The following FOLH1 variants were observed in gnomAD, a reference collection of about 807,000 sequenced individuals.
FOLH1 encodes glutamate carboxypeptidase 2.
In FOLH1, 54 loss-of-function variants were observed where a neutral mutation model predicts 93.9. The observed-to-expected ratio is 0.57, with a 90% confidence interval of 0.46 to 0.72. The LOEUF (loss-of-function observed/expected upper bound fraction) is 0.72. Ranked by LOEUF, FOLH1 falls within the 30% of genes least tolerant of loss-of-function variation. The pLI is 0.00. For missense variants in FOLH1, 571 were observed against 892.5 expected, an observed-to-expected ratio of 0.64 and a Z score of 4.59; for synonymous variants, 249 against 303.6, an observed-to-expected ratio of 0.82 and a Z score of 1.87.
chr11:49,198,232 A>T (rs1284146863), intron 3 of FOLH1, among the ~76,000 whole-genome samples: 1 of 152,176 alleles, frequency 6.6e-6, no homozygotes, highest in South Asian at 2.1e-4. Context: ...AAAACTAACC[A>T]GCACTTTGGG....
At chr11:49,170,019 T>A (rs915985529) in intron 11 of FOLH1, among the ~76,000 whole-genome samples, 5 of 152,006 alleles carry the variant, frequency 3.3e-5, no homozygotes, top group South Asian at 2.1e-4. Flanking sequence ...TTTGACTAAG[T>A]CTACAGGAGC....
At chr11:49,189,652 AGT>A (rs1401069446) in intron 4 of FOLH1, among the ~76,000 whole-genome samples, 1 of 152,202 alleles carries the variant, frequency 6.6e-6, no homozygotes, top group African/African-American at 2.4e-5. Flanking sequence ...TAAGTTGAGA[AGT>A]GTATTGAATG....
intron 6 of FOLH1, among the ~76,000 whole-genome samples, chr11:49,183,560 T>A (rs1240629212): frequency 6.6e-6 from 1 of 152,096 alleles, no homozygotes; most frequent in Non-Finnish European, 1.5e-5. Context: ...AGAAGACGTG[T>A]ACAAAATTGT....
intron 4 of FOLH1, among the ~76,000 whole-genome samples, chr11:49,191,858 T>A (rs1565200046): frequency 6.6e-6 from 1 of 152,154 alleles, no homozygotes. Flanking sequence ...TCACCGCATC[T>A]GGCTAATTAT....
In FOLH1 at chr11:49,154,511, A is replaced by C. The variant is rs1565132771; in HGVS notation, c.1624-19T>G. On this transcript the variant is annotated intron_variant, in intron 15 of 18. Transcript: ENST00000256999. ...TTGTTTCCTACAGAAAAAACAACAA[A>C]ACATATCTCTTATAGGATAGCTTAC... The C allele has an allele frequency of 1.3e-6, 2 of 1,554,822 alleles. No individual in the cohort carries two copies. The highest frequency in any genetic ancestry group is 8.7e-7 in the Non-Finnish European group (1 of 1,148,560).
intron 7 of FOLH1, among the ~76,000 whole-genome samples, chr11:49,176,301 T>C (rs1860034410): frequency 6.6e-6 from 1 of 152,228 alleles, no homozygotes; most frequent in African/African-American, 2.4e-5. Context: ...AAGAGCTTGA[T>C]GTCTAACTCT....
At chr11:49,157,126 T>C (rs1162287036) in intron 14 of FOLH1, among the ~76,000 whole-genome samples, 1 of 152,010 alleles carries the variant, frequency 6.6e-6, no homozygotes, top group African/African-American at 2.4e-5. Context: ...GAAAAGCAAA[T>C]ATTTTTCAGA....
Position 49,183,209 on chromosome 11 carries a change from A to G in FOLH1, c.860T>C (p.Val287Ala). Residue 287 changes from valine (V) to alanine (A), a missense_variant, in exon 7 of 19, where the codon GTT becomes GCT. Around this residue, in one of 2 missense-constraint regions of FOLH1, gnomAD observed 500 missense variants for 822.9 expected, o/e 0.61. Transcript: ENST00000256999. ...ATGAACAGGAATACTTGGAAGACCA[A>G]CAGCCTCTGCAATTCCACGCCTATA... ...YAYRRGIAEA[V>A]GLPSIPVHPI... is the part of the protein sequence containing the mutation. 6.2e-7 allele frequency: 1 copy of G among 1,613,206 alleles called. No homozygotes were observed. Among genetic ancestry groups the G allele is most frequent in the East Asian group, 2.2e-5 (1 of 44,856 alleles).
intron 17 of FOLH1, among the ~76,000 whole-genome samples, chr11:49,151,484 T>C (rs948132189): frequency 1.3e-5 from 2 of 152,204 alleles, no homozygotes; most frequent in African/African-American, 4.8e-5. Context: ...TCTTATATTC[T>C]TTGATGGGGC....
Position 49,164,491 on chromosome 11 carries a change from C to T in FOLH1, c.1440+214G>A, listed in dbSNP as rs184635891. Among the ~76,000 whole-genome samples, 200 of 152,268 alleles carry T rather than the reference C, an allele frequency of 1.3e-3. 1 individual carries two copies. The highest frequency in any genetic ancestry group is 4.5e-3 in the African/African-American group (187 of 41,562). On this transcript the variant is annotated intron_variant, in intron 13 of 18. Transcript: ENST00000256999. Reference sequence around the variant, plus strand: ...AAGAATGGAGATGGTAGACATGATGCTACTAATGGGCTACCTCACACTGGT... The same window carrying T: ...AAGAATGGAGATGGTAGACATGATGTTACTAATGGGCTACCTCACACTGGT...
chr11:49,187,877 G>A (rs759545906), intron 4 of FOLH1, among the ~76,000 whole-genome samples: 3 of 152,190 alleles, frequency 2.0e-5, no homozygotes, highest in Non-Finnish European at 1.5e-5. Context: ...AGGGTACAGA[G>A]ACCTGGACAT....
At chr11:49,183,389 C>A (rs1384710172) in intron 6 of FOLH1, 147 bp from the exon 7 acceptor site, 2 of 625,492 alleles carry the variant, frequency 3.2e-6, no homozygotes, top group East Asian at 2.9e-5. Context: ...AGCGAGAATG[C>A]AGAGCAACTG....
chr11:49,154,067 C>T (rs557675288), intron 16 of FOLH1, 140 bp from the exon 17 acceptor site: 65 of 1,331,552 alleles, frequency 4.9e-5, no homozygotes, highest in South Asian at 3.8e-4. Flanking sequence ...TATTATAAGA[C>T]GTGAGCATCC....
chr11:49,208,515 A>C lies in FOLH1; in HGVS notation c.-106T>G. 1 of 717,226 alleles carries C rather than the reference A, an allele frequency of 1.4e-6. No individual in the cohort carries two copies. Among genetic ancestry groups the C allele is most frequent in the Non-Finnish European group, 2.3e-6 (1 of 436,412 alleles). The allele number at this position is 717,226 out of a possible 1,614,324, so 44.4% of individuals were successfully genotyped here. A position where few individuals can be genotyped will look rare whatever the true frequency, so the allele number is the denominator to read the frequency against. On this transcript the variant is annotated 5_prime_UTR_variant, in exon 1 of 19. Coordinates refer to ENST00000256999, the MANE Select transcript of FOLH1 (RefSeq NM_004476.3). ...GGTAAAGTCTCTCTCAATCTCACTA[A>C]TGCCTCGCTTATCAGCCCTGCAGGC...
intron 11 of FOLH1, among the ~76,000 whole-genome samples, chr11:49,169,530 T>G (rs1036381425): frequency 2.0e-5 from 3 of 152,212 alleles, no homozygotes; most frequent in African/African-American, 7.2e-5. Context: ...AGTTAATTTC[T>G]TAACCATACT....
At chr11:49,184,397 C>T (rs1420552833) in intron 6 of FOLH1, among the ~76,000 whole-genome samples, 1 of 152,076 alleles carries the variant, frequency 6.6e-6, no homozygotes, top group East Asian at 1.9e-4. Context: ...CCCTAAAATA[C>T]CATCATTCAA....
At position 49,182,003 on chromosome 11, in the gene FOLH1, C is replaced by CT. The variant is rs1299194789; in HGVS notation, c.920+1145dup. 2.6e-5 allele frequency among the ~76,000 whole-genome samples: 4 copies of CT among 152,074 alleles called. No individual in the cohort carries two copies. The East Asian group carries it at 7.7e-4, about 29-fold the overall frequency. On this transcript the variant is annotated intron_variant, in intron 7 of 18. Coordinates refer to ENST00000256999, the MANE Select transcript of FOLH1 (RefSeq NM_004476.3). Reference sequence around the variant, plus strand: ...GACGCTTTGGTCTCTATCAATTTCACTTTTAGAAAAGCCAGTGTTCTCTCA... The same window carrying CT: ...GACGCTTTGGTCTCTATCAATTTCACTTTTTAGAAAAGCCAGTGTTCTCTCA...
chr11:49,175,825 C>T (rs1350716558), intron 8 of FOLH1, 34 bp downstream of exon 8: 1 of 1,583,308 alleles, frequency 6.3e-7, no homozygotes, highest in East Asian at 2.2e-5. Flanking sequence ...AAGTCTCCCC[C>T]TTAAAAGAGT....
intron 13 of FOLH1, among the ~76,000 whole-genome samples, chr11:49,162,319 A>G (rs1054667729): frequency 1.2e-4 from 19 of 152,024 alleles, no homozygotes. Flanking sequence ...GGTTTTGTTC[A>G]TTCCTTTTTC....
Sources: allele counts gnomAD v4.1 joint callset (sites outside exome capture counted in the v4.1 genomes callset), GRCh38; gene constraint gnomAD v4.1.1; regional missense constraint gnomAD v4.1.1; transcripts MANE v1.5; gene names NCBI Gene and HGNC (gene_info 2026-07-23, HGNC 2026-07-21).